EYA2: variants seen among roughly 807,000 people sequenced by gnomAD.
The protein encoded by EYA2 is EYA transcriptional coactivator and phosphatase 2.
A neutral mutation model predicts 69.2 loss-of-function variants in EYA2; 31 were observed. That is an observed-to-expected ratio of 0.45 (90% CI 0.34 to 0.60). The LOEUF (loss-of-function observed/expected upper bound fraction) is 0.60. EYA2 is among the 20% of genes least tolerant of loss of function. The pLI is 0.02. For synonymous variants in EYA2, 257 were observed against 279.4 expected (o/e 0.92, Z 0.80); for missense variants, 622 against 701.2 (o/e 0.89, Z 1.28).
At chr20:47,092,917 A>G (rs2032129065) in intron 8 of EYA2, among the ~76,000 whole-genome samples, 1 of 152,200 alleles carries the variant, frequency 6.6e-6, no homozygotes, top group South Asian at 2.1e-4. Flanking sequence ...TGTATTAGTT[A>G]AAATCCTTCA....
chr20:46,974,271 T>C (rs1423839661), intron 1 of EYA2, among the ~76,000 whole-genome samples: 2 of 152,198 alleles, frequency 1.3e-5, no homozygotes, highest in Non-Finnish European at 2.9e-5. Flanking sequence ...TTGGACCAAG[T>C]GAAGATATTC....
At chr20:46,934,725 G>T (rs1985833954) in intron 1 of EYA2, among the ~76,000 whole-genome samples, 1 of 152,104 alleles carries the variant, frequency 6.6e-6, no homozygotes, top group African/African-American at 2.4e-5. Context: ...TATTGGATGG[G>T]ACAGGGGAAA....
chr20:47,114,356 C>G (rs916269065), intron 9 of EYA2, among the ~76,000 whole-genome samples: 10 of 152,320 alleles, frequency 6.6e-5, no homozygotes, highest in Non-Finnish European at 8.8e-5. Flanking sequence ...TGGCTCATGC[C>G]TGTAATCCCA....
At chr20:46,895,222 CCA>C (rs967482314) in intron 1 of EYA2, among the ~76,000 whole-genome samples, 8 of 152,206 alleles carry the variant, frequency 5.3e-5, no homozygotes, top group Non-Finnish European at 1.0e-4. Flanking sequence ...GCTCGGGGCC[CCA>C]GTTTCCCCAT....
intron 1 of EYA2, among the ~76,000 whole-genome samples, chr20:46,986,734 G>C (rs1280608047): frequency 6.6e-6 from 1 of 152,084 alleles, no homozygotes; most frequent in East Asian, 1.9e-4. Flanking sequence ...AGGCGCAAGA[G>C]AGATGCCCGA....
At chr20:47,000,320 G>T (rs1418828154) in intron 2 of EYA2, among the ~76,000 whole-genome samples, 1 of 152,194 alleles carries the variant, frequency 6.6e-6, no homozygotes, top group Non-Finnish European at 1.5e-5. Context: ...ACAGGGGGGA[G>T]CCCTGAGGCC....
At chr20:47,015,978 T>C (rs755771791) in intron 4 of EYA2, among the ~76,000 whole-genome samples, 1 of 152,224 alleles carries the variant, frequency 6.6e-6, no homozygotes, top group Non-Finnish European at 1.5e-5. Context: ...CAAAATCAAC[T>C]AATTCAGTTT....
chr20:46,954,046 A>T (rs943663052), intron 1 of EYA2, among the ~76,000 whole-genome samples: 2 of 152,182 alleles, frequency 1.3e-5, no homozygotes, highest in African/African-American at 4.8e-5. Context: ...TGACATTCAG[A>T]CACATCCAGC....
chr20:46,960,104 T>C (rs535965546), intron 1 of EYA2, among the ~76,000 whole-genome samples: 1 of 152,328 alleles, frequency 6.6e-6, no homozygotes, highest in African/African-American at 2.4e-5. Flanking sequence ...TGCCTGAATT[T>C]TGTTTTATTT....
intron 10 of EYA2, among the ~76,000 whole-genome samples, chr20:47,149,894 C>G (rs1334535332): frequency 6.6e-6 from 1 of 152,062 alleles, no homozygotes; most frequent in Non-Finnish European, 1.5e-5. Flanking sequence ...TACACACACG[C>G]AAGATTTGCA....
At chr20:47,156,085 T>C (rs1173358276) in intron 10 of EYA2, among the ~76,000 whole-genome samples, 15 of 28,778 alleles carry the variant, frequency 5.2e-4, no homozygotes, top group Admixed American at 3.2e-3. Flanking sequence ...CACATATATA[T>C]ACATACACAC....
intron 5 of EYA2, among the ~76,000 whole-genome samples, chr20:47,042,066 C>A (rs1018843873): frequency 6.6e-6 from 1 of 152,104 alleles, no homozygotes; most frequent in Non-Finnish European, 1.5e-5. Context: ...TCTGAAGACA[C>A]AAAGAGATTA....
At chr20:47,098,210 C>T (rs1344410045) in intron 9 of EYA2, among the ~76,000 whole-genome samples, 1 of 152,186 alleles carries the variant, frequency 6.6e-6, no homozygotes, top group Non-Finnish European at 1.5e-5. Context: ...CTAGCAGTGC[C>T]TGTGGGAAAT....
chr20:47,072,681 G>A (rs547273160), intron 6 of EYA2, among the ~76,000 whole-genome samples: 49 of 152,136 alleles, frequency 3.2e-4, no homozygotes, highest in Non-Finnish European at 6.5e-4. Flanking sequence ...GTTAAATAGA[G>A]CAAAGTCAAC....
intron 15 of EYA2, among the ~76,000 whole-genome samples, chr20:47,187,150 C>T (rs770512685): frequency 6.6e-5 from 10 of 152,138 alleles, no homozygotes; most frequent in Non-Finnish European, 1.3e-4. Context: ...GGGTGGATCG[C>T]TTGAGCCCAG....
At chr20:47,087,269 C>A (rs74924121) in intron 7 of EYA2, among the ~76,000 whole-genome samples, 230 of 152,298 alleles carry the variant, frequency 1.5e-3, no homozygotes, top group African/African-American at 5.3e-3. Context: ...CTAGCCAAGT[C>A]TTTTTAGACA....
chr20:47,161,126 C>T (rs2034056944), intron 10 of EYA2: 3 of 323,186 alleles, frequency 9.3e-6, no homozygotes, highest in Non-Finnish European at 1.7e-5. Context: ...GATGCCAGTG[C>T]CCCTGGGTGC....
In EYA2 at chr20:46,951,203, G is replaced by A. The variant is rs547084840; in HGVS notation, c.-10-38798G>A. Among the ~76,000 whole-genome samples, 7 of 152,294 alleles carry A rather than the reference G, an allele frequency of 4.6e-5. No individual in the cohort carries two copies. The South Asian group carries it at 1.5e-3, about 32-fold the overall frequency. On this transcript the variant is annotated intron_variant, in intron 1 of 15. Coordinates refer to ENST00000327619, the MANE Select transcript of EYA2 (RefSeq NM_005244.5). ...TAAGGATTCTGGCAAGTGTGATAAG[G>A]TCATGAGGCTGGCACATTAGTGGAA...
At chr20:47,063,392 C>CGTGTGCGTGTGTGTGTGTGTGTGTGT (rs1430441053) in intron 5 of EYA2, among the ~76,000 whole-genome samples, 5 of 143,372 alleles carry the variant, frequency 3.5e-5, no homozygotes, top group African/African-American at 7.9e-5. Flanking sequence ...TGTGCGTGTG[C>CGTGTGCGTGTGTGTGTGTGTGTGTGT]GTGTGTGTGT....
Sources: gnomAD v4.1 joint callset for allele counts (sites outside exome capture counted in the v4.1 genomes callset) on GRCh38, gnomAD v4.1.1 for gene constraint, MANE v1.5 for transcripts, NCBI Gene and HGNC (gene_info 2026-07-23, HGNC 2026-07-21) for gene names.